PODNL1: variants seen among roughly 807,000 people sequenced by gnomAD.
PODNL1 encodes podocan like 1, also known as podocan-like protein 1.
PODNL1 carries 50 observed loss-of-function variants against 45.1 expected under a neutral mutation model. The observed-to-expected ratio is 1.11, with a 90% CI of 0.88 to 1.40. The LOEUF (loss-of-function observed/expected upper bound fraction) is 1.40. Ranked by LOEUF, PODNL1 falls within the 40% of genes most tolerant of loss-of-function variation. The pLI, the probability that PODNL1 is intolerant of heterozygous loss-of-function variation, is 0.00. For synonymous variants in PODNL1, 406 were observed against 372.5 expected, an observed-to-expected ratio of 1.09 and a Z score of -1.04; for missense variants, 788 against 793.3, an observed-to-expected ratio of 0.99 and a Z score of 0.08.
At position 13,931,598 on chromosome 19, in the gene PODNL1, G is replaced by C; in HGVS notation, c.*139C>G. On this transcript the variant is annotated 3_prime_UTR_variant, in exon 10 of 10. Transcript: ENST00000588872. The stretch of plus-strand genomic sequence containing the variant: ...TGCCAGCTGTGTGCCTCTGTGTCTC[G>C]GCCAGTGGCAGGCAGAGCAGGCCCA... 1 of 939,240 alleles carries C rather than the reference G, an allele frequency of 1.1e-6. No individual in the cohort carries two copies. Among genetic ancestry groups the C allele is most frequent in the Non-Finnish European group, 1.4e-6 (1 of 721,810 alleles). 58.2% of individuals were successfully genotyped at this position (939,240 alleles called of 1,614,324 possible).
At chr19:13,936,249 G>T (rs887537332) in intron 3 of PODNL1, 118 bp downstream of exon 3, 5 of 1,096,884 alleles carry the variant, frequency 4.6e-6, no homozygotes, top group Non-Finnish European at 6.8e-6. Context: ...GCTCAGCAAA[G>T]GGCAGTTCTG....
intron 1 of PODNL1, among the ~76,000 whole-genome samples, chr19:13,951,266 T>A (rs1169068835): frequency 6.6e-6 from 1 of 151,526 alleles, no homozygotes; most frequent in African/African-American, 2.4e-5. Context: ...GGCAACATAG[T>A]GAGACCCCAT....
intron 8 of PODNL1, 183 bp downstream of exon 8, chr19:13,932,615 C>G: frequency 1.3e-6 from 2 of 1,487,320 alleles, no homozygotes; most frequent in Non-Finnish European, 1.8e-6. Context: ...CTTGGCTCCC[C>G]AAAGTGCTGG....
chr19:13,934,518 T>TGC (rs1972193618), intron 5 of PODNL1, 108 bp from the exon 6 acceptor site: 1 of 1,113,842 alleles, frequency 9.0e-7, no homozygotes, highest in East Asian at 2.8e-5. Flanking sequence ...TGTGTGTGTG[T>TGC]GTGTGTGTGC....
In PODNL1 at chr19:13,932,863, C is replaced by A; in HGVS notation, c.1360G>T (p.Ala454Ser). The change falls in exon 8 of 10, where the codon GCG (alanine) becomes TCG (serine). Residue 454 changes from alanine (A) to serine (S), a missense_variant. Physicochemically the swap from Ala to Ser is moderately conservative, Grantham distance 99 (BLOSUM62 1). Transcript: ENST00000588872. Reference protein sequence around the residue: ...GLDQLRELSLAHNRLRVGDIG... With the variant: ...GLDQLRELSLSHNRLRVGDIG... ...TCGCCGACCCGGAGCCGGTTGTGCGCCAGGCTGAGCTCCCGCAGTTGGTCC... is the reference window on the plus strand; with the variant it reads ...TCGCCGACCCGGAGCCGGTTGTGCGACAGGCTGAGCTCCCGCAGTTGGTCC... 6.2e-7 allele frequency: 1 copy of A among 1,610,844 alleles called. No homozygotes were observed. Among genetic ancestry groups the A allele is most frequent in the African/African-American group, 1.3e-5 (1 of 75,034 alleles).
In PODNL1 at chr19:13,938,244, G is replaced by A; in HGVS notation, c.-63C>T. On this transcript the variant is annotated 5_prime_UTR_variant, in exon 1 of 10. Transcript: ENST00000588872. ...ACCAGGACTTCCTAATGGAAACCAGGCGGTCACCTCCTGGAGCCTCTGCTG... is the reference window on the plus strand; with the variant it reads ...ACCAGGACTTCCTAATGGAAACCAGACGGTCACCTCCTGGAGCCTCTGCTG... The A allele has an allele frequency of 1.3e-6, 2 of 1,586,804 alleles. No individual in the cohort carries two copies. The highest frequency in any genetic ancestry group is 1.7e-6 in the Non-Finnish European group (2 of 1,167,634).
chr19:13,947,054 C>CAAA (rs367589151), intron 1 of PODNL1, among the ~76,000 whole-genome samples: 5 of 127,978 alleles, frequency 3.9e-5, no homozygotes, highest in African/African-American at 1.4e-4. Context: ...CACAAAAAAA[C>CAAA]AAAAAAAAAA....
chr19:13,951,406 TG>T (rs1228718772), intron 1 of PODNL1, among the ~76,000 whole-genome samples: 2 of 151,930 alleles, frequency 1.3e-5, no homozygotes, highest in Non-Finnish European at 2.9e-5. Context: ...GAAGCAGAGG[TG>T]GGAGGATCAC....
intron 3 of PODNL1, 128 bp downstream of exon 3, chr19:13,936,239 G>T: frequency 2.8e-6 from 3 of 1,057,788 alleles, no homozygotes; most frequent in Non-Finnish European, 4.3e-6. Context: ...TTTCCATCCT[G>T]CTCAGCAAAG....
At chr19:13,950,809 G>T (rs906378462) in intron 1 of PODNL1, among the ~76,000 whole-genome samples, 2 of 151,802 alleles carry the variant, frequency 1.3e-5, no homozygotes, top group African/African-American at 4.8e-5. Flanking sequence ...CTTTGGGAGG[G>T]TGAGGTGGGT....
At chr19:13,932,675 C>A in intron 8 of PODNL1, 123 bp downstream of exon 8, 1 of 1,580,252 alleles carries the variant, frequency 6.3e-7, no homozygotes, top group South Asian at 1.2e-5. Context: ...CCTTCTAACC[C>A]ACTCTTATCA....
At chr19:13,935,321 G>T (rs1972270180) in intron 5 of PODNL1, among the ~76,000 whole-genome samples, 1 of 152,056 alleles carries the variant, frequency 6.6e-6, no homozygotes, top group Non-Finnish European at 1.5e-5. Context: ...AAGGCATTTT[G>T]TTTCTGTTTT....
chr19:13,934,243 A>G lies in PODNL1; in HGVS notation c.651+11T>C. On this transcript the variant is annotated intron_variant, in intron 6 of 9. Transcript: ENST00000588872. ...GAGTCTGGCCCGGGGTGGGACCTAC[A>G]GCAGGGCTACCTGCAGGTGGAGCCG... is the stretch of plus-strand genomic sequence containing the variant. 1 of 1,499,474 alleles carries G rather than the reference A, an allele frequency of 6.7e-7. No homozygotes were observed. The allele number at this position is 1,499,474 out of a possible 1,614,324, so 92.9% of individuals were successfully genotyped here.
upstream of PODNL1, among the ~76,000 whole-genome samples, chr19:13,941,140 T>C (rs189469313): frequency 2.0e-5 from 3 of 151,174 alleles, no homozygotes; most frequent in African/African-American, 7.3e-5. Context: ...CCAAGGCAGG[T>C]GGATCACCTG....
chr19:13,946,258 G>A (rs576915891), intron 1 of PODNL1, among the ~76,000 whole-genome samples: 3 of 151,554 alleles, frequency 2.0e-5, no homozygotes, highest in African/African-American at 4.8e-5. Flanking sequence ...GATGAAACCC[G>A]TCTCTACTAA....
At chr19:13,945,361 T>A (rs1382759374) in intron 1 of PODNL1, among the ~76,000 whole-genome samples, 2 of 150,358 alleles carry the variant, frequency 1.3e-5, no homozygotes, top group African/African-American at 4.9e-5. Context: ...AAAAAAAAAA[T>A]TCAGAAAATT....
chr19:13,952,133 G>T (rs1044621521), intron 1 of PODNL1, among the ~76,000 whole-genome samples: 1 of 152,252 alleles, frequency 6.6e-6, no homozygotes, highest in Non-Finnish European at 1.5e-5. Flanking sequence ...GAGCCTTGGT[G>T]GACCACAGGC....
chr19:13,948,774 C>CAAAAA (rs781038849), intron 1 of PODNL1, among the ~76,000 whole-genome samples: 23 of 68,186 alleles, frequency 3.4e-4, no homozygotes, highest in African/African-American at 1.0e-3. Flanking sequence ...CCTGCCTCTA[C>CAAAAA]AAAAAAAAAA....
upstream of PODNL1, among the ~76,000 whole-genome samples, chr19:13,940,464 A>G (rs1475085176): frequency 2.0e-5 from 3 of 146,420 alleles, no homozygotes; most frequent in Non-Finnish European, 4.5e-5. Context: ...CCAGCTACTC[A>G]GGAGCCTGAG....
Sources: gnomAD v4.1 joint callset for allele counts (sites outside exome capture counted in the v4.1 genomes callset) on GRCh38, gnomAD v4.1.1 for gene constraint, MANE v1.5 for transcripts, NCBI Gene and HGNC (gene_info 2026-07-23, HGNC 2026-07-21) for gene names.